The following RORA variants were observed in gnomAD, a reference collection of about 807,000 sequenced individuals.
RORA encodes RAR related orphan receptor A, also known as nuclear receptor ROR-alpha.
A neutral mutation model predicts 69.5 loss-of-function variants in RORA; 7 were observed. That is an observed-to-expected ratio of 0.10 (90% CI 0.06 to 0.19). RORA has a LOEUF of 0.19. RORA is among the 10% of genes least tolerant of loss of function. The pLI, the probability that RORA is intolerant of heterozygous loss-of-function variation, is 1.00. For missense variants in RORA, 457 were observed against 663.0 expected (o/e 0.69, Z 3.41); for synonymous variants, 261 against 240.8 (o/e 1.08, Z -0.78).
At chr15:60,622,077 C>T (rs1400025394) in intron 2 of RORA, among the ~76,000 whole-genome samples, 1 of 151,704 alleles carries the variant, frequency 6.6e-6, no homozygotes, top group Non-Finnish European at 1.5e-5. Flanking sequence ...ATGTTCCCTC[C>T]ATGTAGTACC....
At chr15:60,699,711 C>T (rs1265941297) in intron 1 of RORA, among the ~76,000 whole-genome samples, 1 of 152,096 alleles carries the variant, frequency 6.6e-6, no homozygotes, top group Admixed American at 6.5e-5. Context: ...ATATTTAACA[C>T]TTTCTGTAAC....
intron 1 of RORA, among the ~76,000 whole-genome samples, chr15:60,777,074 G>T (rs1052766392): frequency 6.6e-6 from 1 of 152,128 alleles, no homozygotes; most frequent in African/African-American, 2.4e-5. Context: ...CTAAATAAAT[G>T]AATGAATGTT....
chr15:60,722,673 T>C (rs893661388), intron 1 of RORA, among the ~76,000 whole-genome samples: 1 of 152,178 alleles, frequency 6.6e-6, no homozygotes, highest in South Asian at 2.1e-4. Flanking sequence ...TGATCTGTGC[T>C]CCGTGCCAGA....
intron 1 of RORA, among the ~76,000 whole-genome samples, chr15:60,892,927 G>A (rs574556469): frequency 2.0e-5 from 3 of 152,294 alleles, no homozygotes; most frequent in African/African-American, 7.2e-5. Flanking sequence ...ATGCACTTAC[G>A]TGAGCGATTA....
At chr15:60,734,843 G>A (rs193069275) in intron 1 of RORA, among the ~76,000 whole-genome samples, 1 of 152,272 alleles carries the variant, frequency 6.6e-6, no homozygotes, top group Admixed American at 6.5e-5. Flanking sequence ...TTTGGCAATG[G>A]CTAACTAAAC....
intron 2 of RORA, among the ~76,000 whole-genome samples, chr15:60,671,133 T>C (rs1019361174): frequency 2.0e-4 from 29 of 147,582 alleles, no homozygotes; most frequent in African/African-American, 7.5e-4. Context: ...TCCAGGGTTT[T>C]TTTGGGTTTG....
At chr15:60,784,876 A>G (rs1365629129) in intron 1 of RORA, among the ~76,000 whole-genome samples, 3 of 152,182 alleles carry the variant, frequency 2.0e-5, no homozygotes, top group Non-Finnish European at 1.5e-5. Context: ...GTGCCTATAC[A>G]TACATGTTAA....
chr15:61,076,525 C>T (rs2078452543), intron 1 of RORA, among the ~76,000 whole-genome samples: 1 of 152,172 alleles, frequency 6.6e-6, no homozygotes, highest in Non-Finnish European at 1.5e-5. Flanking sequence ...TTCATGTAGA[C>T]ATGCATAGAA....
rs868849258 is a variant in RORA, at chr15:60,584,580, G to C, written c.197-52729C>G. 1.4e-4 allele frequency among the ~76,000 whole-genome samples: 22 copies of C among 152,296 alleles called. 1 individual carries two copies. The highest frequency in any genetic ancestry group is 4.1e-4 in the South Asian group (2 of 4,826). ...CTTAAGACACTTGATTGGGAGGAAGGTGTCTCAGCTCCTATTATAAAAGCA... is the reference window on the plus strand; with the variant it reads ...CTTAAGACACTTGATTGGGAGGAAGCTGTCTCAGCTCCTATTATAAAAGCA... On this transcript the variant is annotated intron_variant, in intron 2 of 10. Coordinates refer to ENST00000335670, the MANE Select transcript of RORA (RefSeq NM_134261.3).
chr15:61,114,858 T>C (rs1205001277), intron 1 of RORA, among the ~76,000 whole-genome samples: 2 of 152,238 alleles, frequency 1.3e-5, no homozygotes, highest in Non-Finnish European at 2.9e-5. Flanking sequence ...TGTTGGCTCT[T>C]GGCCCAGACG....
intron 1 of RORA, among the ~76,000 whole-genome samples, chr15:61,022,560 T>C (rs902676112): frequency 6.6e-6 from 1 of 152,162 alleles, no homozygotes; most frequent in Non-Finnish European, 1.5e-5. Context: ...ATTCTGTTGA[T>C]GCAAAATCTG....
intron 1 of RORA, among the ~76,000 whole-genome samples, chr15:60,765,875 C>T (rs1330990343): frequency 6.6e-6 from 1 of 151,928 alleles, no homozygotes; most frequent in African/African-American, 2.4e-5. Flanking sequence ...CCTAACCCCC[C>T]AATATCGGTA....
chr15:60,759,798 G>A (rs2071858975), intron 1 of RORA, among the ~76,000 whole-genome samples: 1 of 152,150 alleles, frequency 6.6e-6, no homozygotes, highest in Admixed American at 6.6e-5. Flanking sequence ...TGCCAGTTGG[G>A]AAGATATGAT....
At chr15:61,148,079 A>T (rs2079366398) in intron 1 of RORA, among the ~76,000 whole-genome samples, 1 of 152,250 alleles carries the variant, frequency 6.6e-6, no homozygotes, top group Non-Finnish European at 1.5e-5. Context: ...AGGCTGTCAC[A>T]TCAATCCATC....
chr15:61,064,540 C>G (rs1208341331), intron 1 of RORA, among the ~76,000 whole-genome samples: 1 of 152,056 alleles, frequency 6.6e-6, no homozygotes, highest in Non-Finnish European at 1.5e-5. Flanking sequence ...AAATGCTGAC[C>G]CTCCTCGCTC....
intron 2 of RORA, among the ~76,000 whole-genome samples, chr15:60,535,722 C>T (rs62003286): frequency 0.5 from 75,844 of 152,086 alleles, 22,985 homozygotes; most frequent in East Asian, 0.83. Context: ...GTATGACAGG[C>T]ACCCAGTACT....
chr15:60,801,444 T>C (rs1051253314), intron 1 of RORA, among the ~76,000 whole-genome samples: 1 of 152,254 alleles, frequency 6.6e-6, no homozygotes, highest in African/African-American at 2.4e-5. Context: ...AATGTGAATA[T>C]GACCCAGAGG....
intron 1 of RORA, among the ~76,000 whole-genome samples, chr15:60,908,558 GA>G (rs144594175): frequency 1.3e-3 from 196 of 152,256 alleles, no homozygotes; most frequent in Middle Eastern, 3.4e-3. Flanking sequence ...ACAGTAAATG[GA>G]AAAACCAGAA....
At chr15:60,676,669 T>C (rs746104815) in intron 2 of RORA, among the ~76,000 whole-genome samples, 1 of 152,210 alleles carries the variant, frequency 6.6e-6, no homozygotes, top group Non-Finnish European at 1.5e-5. Flanking sequence ...TTAAAGCCAG[T>C]ATAGCTGATG....
Sources: allele counts gnomAD v4.1 joint callset (sites outside exome capture counted in the v4.1 genomes callset), GRCh38; gene constraint gnomAD v4.1.1; transcripts MANE v1.5; gene names NCBI Gene and HGNC (gene_info 2026-07-23, HGNC 2026-07-21).